The following LINGO1 variants were observed in gnomAD, a reference collection of about 807,000 sequenced individuals.
LINGO1 encodes the protein leucine rich repeat and Ig domain containing 1.
Under a neutral mutation model 37.3 loss-of-function variants are expected in LINGO1, and 11 were observed. The ratio of observed to expected loss-of-function variants is 0.29; its 90% confidence interval spans 0.19 to 0.49. The LOEUF (loss-of-function observed/expected upper bound fraction) is 0.49, where lower values mean the gene tolerates loss of function less well. Ranked by LOEUF, LINGO1 falls within the 20% of genes least tolerant of loss-of-function variation. The pLI is 0.99. For synonymous variants in LINGO1, 387 were observed against 403.0 expected, an observed-to-expected ratio of 0.96 and a Z score of 0.48; for missense variants, 585 against 878.2, an observed-to-expected ratio of 0.67 and a Z score of 4.22.
intron 2 of LINGO1, among the ~76,000 whole-genome samples, chr15:77,792,852 T>A (rs2076828922): frequency 6.6e-6 from 1 of 152,158 alleles, no homozygotes; most frequent in Non-Finnish European, 1.5e-5. Flanking sequence ...GAAGGAAGAA[T>A]GAACAAACCA....
At chr15:77,617,561 C>T (rs1279341580) in intron 1 of LINGO1, among the ~76,000 whole-genome samples, 1 of 152,192 alleles carries the variant, frequency 6.6e-6, no homozygotes, top group Non-Finnish European at 1.5e-5. Context: ...TGTCCCACCT[C>T]TCCACCCTAG....
chr15:77,710,812 C>T lies in LINGO1; in HGVS notation c.-194-19911G>A, dbSNP rs149126241. Among the ~76,000 whole-genome samples, 1,279 of 152,364 alleles carry T rather than the reference C, an allele frequency of 8.4e-3. 28 individuals carry two copies. The highest frequency in any genetic ancestry group is 0.029 in the African/African-American group (1,224 of 41,590). On this transcript the variant is annotated intron_variant, in intron 2 of 3. Coordinates refer to the LINGO1 transcript ENST00000561686. The stretch of plus-strand genomic sequence containing the variant: ...AGCAAGCTGGCCAACCGTGCCGGGC[C>T]GCCAGGCCCCCAGATTGCAGGGCCT...
chr15:77,794,373 C>CAT lies in LINGO1; in HGVS notation c.-343+1565_-343+1566insAT, dbSNP rs2076846401. Among the ~76,000 whole-genome samples the CAT allele has an allele frequency of 3.2e-5, 2 of 62,764 alleles. 1 individual carries two copies. The highest frequency in any genetic ancestry group is 7.6e-4 in the South Asian group (2 of 2,618). 41.2% of individuals were successfully genotyped at this position (62,764 alleles called of 152,430 possible). A position where few individuals can be genotyped will look rare whatever the true frequency, so the allele number is the denominator to read the frequency against. On this transcript the variant is annotated intron_variant, in intron 2 of 5. Coordinates refer to the LINGO1 transcript ENST00000562933. ...ATACGTATATATGTGTATATACATA[C>CAT]GTATATGTATATACATACATATATA...
At chr15:77,703,108 A>C (rs1406283793) in intron 2 of LINGO1, among the ~76,000 whole-genome samples, 1 of 152,166 alleles carries the variant, frequency 6.6e-6, no homozygotes, top group Admixed American at 6.5e-5. Context: ...TGCTCTGTCC[A>C]TCTCGCAGGC....
intron 1 of LINGO1, among the ~76,000 whole-genome samples, chr15:77,747,142 G>A (rs188701897): frequency 1.3e-5 from 2 of 152,102 alleles, no homozygotes; most frequent in Admixed American, 1.3e-4. Context: ...CACCCTATCC[G>A]CAGGCCCAGG....
chr15:77,771,158 C>T (rs970530804), intron 1 of LINGO1, among the ~76,000 whole-genome samples: 2 of 152,174 alleles, frequency 1.3e-5, no homozygotes, highest in African/African-American at 4.8e-5. Flanking sequence ...AGGTTCCTCC[C>T]GACCTTCCCC....
intron 2 of LINGO1, among the ~76,000 whole-genome samples, chr15:77,705,461 GCT>G (rs573164852): frequency 6.1e-4 from 93 of 152,252 alleles, no homozygotes; most frequent in Non-Finnish European, 1.2e-3. Flanking sequence ...CTGGTCCAGG[GCT>G]CTTTCTACCC....
At chr15:77,702,297 G>T (rs893048224) in intron 2 of LINGO1, among the ~76,000 whole-genome samples, 1 of 152,228 alleles carries the variant, frequency 6.6e-6, no homozygotes, top group East Asian at 1.9e-4. Context: ...ACAGGCTGGG[G>T]GACACCTGCA....
At position 77,652,483 on chromosome 15, in the gene LINGO1, A is replaced by AGTGTGTGTGTGTGTGTGTGTGTGTGTGT. The variant is rs773433884; in HGVS notation, c.-13+24578_-13+24605dup. ...CCTACAGCTGCAGCTGGGGAGGGAG[A>AGTGTGTGTGTGTGTGTGTGTGTGTGTGT]GTGTGTGTGTGTGTGTGTGTGTGTG... On this transcript the variant is annotated intron_variant, in intron 3 of 3. Transcript: ENST00000559893. 8.5e-5 allele frequency among the ~76,000 whole-genome samples: 11 copies of AGTGTGTGTGTGTGTGTGTGTGTGTGTGT among 128,960 alleles called. No homozygotes were observed. In the South Asian group the frequency reaches 1.1e-3, roughly 13 times the overall value. 84.6% of individuals were successfully genotyped at this position (128,960 alleles called of 152,430 possible).
At chr15:77,642,694 G>A (rs1006804530) in intron 3 of LINGO1, among the ~76,000 whole-genome samples, 1 of 152,222 alleles carries the variant, frequency 6.6e-6, no homozygotes, top group African/African-American at 2.4e-5. Flanking sequence ...GGCTGGGACC[G>A]GCACTTGGGC....
chr15:77,685,707 G>A (rs889148685), intron 2 of LINGO1, among the ~76,000 whole-genome samples: 2 of 123,780 alleles, frequency 1.6e-5, no homozygotes, highest in Non-Finnish European at 3.4e-5. Context: ...AAAAAAAAAC[G>A]CCAGGAATGG....
chr15:77,719,457 G>A (rs527303797), intron 2 of LINGO1, among the ~76,000 whole-genome samples: 4 of 149,830 alleles, frequency 2.7e-5, no homozygotes, highest in Admixed American at 6.7e-5. Flanking sequence ...ACAGTGCCAC[G>A]AAACCCAAAC....
intron 2 of LINGO1, among the ~76,000 whole-genome samples, chr15:77,681,362 AG>A (rs1400385178): frequency 2.6e-5 from 4 of 152,144 alleles, no homozygotes; most frequent in African/African-American, 9.7e-5. Context: ...GGAACTGGAC[AG>A]GGATGCAAGG....
chr15:77,721,789 C>T (rs1436169797), intron 2 of LINGO1, among the ~76,000 whole-genome samples: 2 of 152,098 alleles, frequency 1.3e-5, no homozygotes, highest in Non-Finnish European at 2.9e-5. Context: ...GGATGTATGA[C>T]CTCGCAACTT....
At chr15:77,678,629 CA>C (rs2075365969) in intron 2 of LINGO1, among the ~76,000 whole-genome samples, 1 of 152,202 alleles carries the variant, frequency 6.6e-6, no homozygotes, top group Non-Finnish European at 1.5e-5. Context: ...TAAATATTCA[CA>C]TACAGGTTTT....
intron 1 of LINGO1, among the ~76,000 whole-genome samples, chr15:77,743,161 C>A (rs1384226382): frequency 2.0e-5 from 3 of 152,132 alleles, no homozygotes; most frequent in Admixed American, 2.0e-4. Context: ...CCCCCTACCC[C>A]ATGCTCCCCC....
At chr15:77,798,380 C>T (rs1785658776) in intron 1 of LINGO1, among the ~76,000 whole-genome samples, 1 of 152,236 alleles carries the variant, frequency 6.6e-6, no homozygotes, top group African/African-American at 2.4e-5. Context: ...GCCCTGAGCC[C>T]AGCTCCACCT....
chr15:77,658,849 G>A (rs969667521), intron 3 of LINGO1, among the ~76,000 whole-genome samples: 2 of 152,210 alleles, frequency 1.3e-5, no homozygotes, highest in African/African-American at 2.4e-5. Context: ...GAGCGAGGAC[G>A]GAGTGGGAGA....
chr15:77,746,707 AAC>A (rs1316776259), intron 1 of LINGO1, among the ~76,000 whole-genome samples: 1 of 152,190 alleles, frequency 6.6e-6, no homozygotes, highest in Admixed American at 6.5e-5. Context: ...CAGCAAAGCT[AAC>A]ATGATGGATG....
Sources: allele counts gnomAD v4.1 joint callset (sites outside exome capture counted in the v4.1 genomes callset), GRCh38; gene constraint gnomAD v4.1.1; transcripts MANE v1.5; gene names NCBI Gene and HGNC (gene_info 2026-07-23, HGNC 2026-07-21).